Variants in ITCH observed in about 807,000 individuals in gnomAD.
The protein encoded by ITCH is itchy E3 ubiquitin protein ligase, also known as E3 ubiquitin-protein ligase Itchy homolog.
Under a neutral mutation model 126.8 loss-of-function variants are expected in ITCH, and 28 were observed. The observed-to-expected ratio is 0.22, with a 90% CI of 0.16 to 0.30. The LOEUF (loss-of-function observed/expected upper bound fraction) is 0.30. Among genes scored for constraint, ITCH ranks in the 10% least tolerant of loss-of-function variants. The probability of loss-of-function intolerance (pLI) is 1.00; values close to 1 mark genes in which losing one functional copy is unlikely to be tolerated. For synonymous variants in ITCH, 342 were observed against 340.0 expected (o/e 1.01, Z -0.06); for missense variants, 631 against 1,032.4 (o/e 0.61, Z 5.33).
chr20:34,445,241 G>A (rs755030191), intron 10 of ITCH, 46 bp from the exon 11 acceptor site: 6 of 1,578,530 alleles, frequency 3.8e-6, no homozygotes, highest in Non-Finnish European at 4.3e-6. Flanking sequence ...TGTTTCACAA[G>A]TATTTGTTGA....
At chr20:34,430,758 G>A (rs968874012) in intron 7 of ITCH, among the ~76,000 whole-genome samples, 7 of 152,302 alleles carry the variant, frequency 4.6e-5, no homozygotes, top group African/African-American at 1.2e-4. Flanking sequence ...GATTACAGGC[G>A]TGAGTCACCA....
chr20:34,478,284 A>G (rs990291165), intron 17 of ITCH, among the ~76,000 whole-genome samples: 2 of 152,208 alleles, frequency 1.3e-5, no homozygotes, highest in East Asian at 1.9e-4. Flanking sequence ...TTTCCCCACC[A>G]CAGATTACTG....
At chr20:34,410,513 G>A (rs908404638) in intron 4 of ITCH, among the ~76,000 whole-genome samples, 1 of 151,978 alleles carries the variant, frequency 6.6e-6, no homozygotes, top group Non-Finnish European at 1.5e-5. Context: ...ATTGTAGATT[G>A]AGTCAAAATG....
intron 3 of ITCH, among the ~76,000 whole-genome samples, chr20:34,404,488 C>T (rs2038988843): frequency 6.9e-6 from 1 of 145,588 alleles, no homozygotes; most frequent in South Asian, 2.2e-4. Context: ...GGCATGATCT[C>T]AGCTCACTAC....
chr20:34,395,627 A>G (rs1437468135), intron 3 of ITCH, among the ~76,000 whole-genome samples: 1 of 152,146 alleles, frequency 6.6e-6, no homozygotes, highest in Non-Finnish European at 1.5e-5. Flanking sequence ...CCATCCATCC[A>G]CAAACCCAGG....
chr20:34,465,754 T>C (rs1986992631), intron 14 of ITCH, among the ~76,000 whole-genome samples: 1 of 152,182 alleles, frequency 6.6e-6, no homozygotes, highest in Non-Finnish European at 1.5e-5. Flanking sequence ...TTGTGTTGAC[T>C]TTGTATGCTG....
intron 2 of ITCH, among the ~76,000 whole-genome samples, chr20:34,372,789 A>G (rs1163110882): frequency 6.6e-6 from 1 of 152,150 alleles, no homozygotes; most frequent in East Asian, 1.9e-4. Flanking sequence ...CTATTGTGCT[A>G]GGTTCCAAGG....
chr20:34,412,271 T>C (rs1053366272), intron 4 of ITCH, among the ~76,000 whole-genome samples: 3 of 152,248 alleles, frequency 2.0e-5, no homozygotes, highest in Non-Finnish European at 1.5e-5. Flanking sequence ...GTTTTACTTT[T>C]GTTGACAATA....
rs763776734 is a variant in ITCH at position 34,438,664 on chromosome 20, T to C, written c.679+33T>C. The C allele has an allele frequency of 2.5e-6, 4 of 1,611,500 alleles. No individual in the cohort carries two copies. The East Asian group carries it at 8.9e-5, about 36-fold the overall frequency. ...TTCCAGCTCTCAATACTCTTGGAAA[T>C]AATGTCCTGGTTGGCAATTAATCCT... On this transcript the variant is annotated intron_variant, in intron 8 of 24. Coordinates refer to ENST00000374864, the MANE Select transcript of ITCH (RefSeq NM_031483.7).
intron 20 of ITCH, among the ~76,000 whole-genome samples, chr20:34,488,150 A>ATT (rs60684607): frequency 1.4e-4 from 20 of 144,104 alleles, no homozygotes; most frequent in Non-Finnish European, 2.6e-4. Context: ...CCTCAGATTC[A>ATT]TTTTTTTTTT....
At chr20:34,467,400 A>C (rs772274004) in intron 14 of ITCH, among the ~76,000 whole-genome samples, 1 of 151,944 alleles carries the variant, frequency 6.6e-6, no homozygotes, top group Non-Finnish European at 1.5e-5. Flanking sequence ...GTGGTGGTGC[A>C]TGCCTGTAGT....
intron 24 of ITCH, among the ~76,000 whole-genome samples, chr20:34,505,569 T>TC (rs915607191): frequency 1.9e-4 from 29 of 151,874 alleles, no homozygotes; most frequent in Non-Finnish European, 4.1e-4. Flanking sequence ...CTTTTTTTTT[T>TC]TTGGAGACAG....
chr20:34,388,783 CAA>C (rs1200490691), intron 2 of ITCH, among the ~76,000 whole-genome samples: 14 of 152,170 alleles, frequency 9.2e-5, no homozygotes, highest in Non-Finnish European at 1.5e-5. Context: ...ATAGCCTATT[CAA>C]AAGAGTCTCT....
chr20:34,447,144 T>C (rs1331449128), intron 11 of ITCH, among the ~76,000 whole-genome samples: 1 of 151,700 alleles, frequency 6.6e-6, no homozygotes, highest in Non-Finnish European at 1.5e-5. Context: ...ACTGTAATCC[T>C]GACCGATTTA....
intron 2 of ITCH, among the ~76,000 whole-genome samples, chr20:34,383,013 A>G (rs1257261117): frequency 6.6e-6 from 1 of 151,944 alleles, no homozygotes; most frequent in African/African-American, 2.4e-5. Flanking sequence ...AAATGCTGAT[A>G]TTACAGCCAT....
intron 19 of ITCH, 89 bp downstream of exon 19, chr20:34,480,821 A>G: frequency 3.6e-6 from 4 of 1,108,782 alleles, no homozygotes; most frequent in Non-Finnish European, 1.3e-6. Context: ...TAGGCACATA[A>G]TTGGTTTATT....
At chr20:34,425,035 G>A (rs1183968961) in intron 7 of ITCH, among the ~76,000 whole-genome samples, 1 of 152,202 alleles carries the variant, frequency 6.6e-6, no homozygotes, top group Non-Finnish European at 1.5e-5. Flanking sequence ...TTGTTACTGT[G>A]TCTATGTAGA....
In ITCH at chr20:34,457,416, G is replaced by A; in HGVS notation, c.1237G>A (p.Val413Ile). Residue 413 changes from valine to isoleucine, a missense_variant, in exon 13 of 25, where the codon GTA becomes ATA. This residue lies in a region of ITCH where 390 missense variants were observed against 731.6 expected (regional missense o/e 0.53). Coordinates refer to ENST00000374864, the MANE Select transcript of ITCH (RefSeq NM_031483.7). ...WEKRTDSNGR[V>I]YFVNHNTRIT... ...GAAGAGAACAGACAGCAATGGCAGA[G>A]TATATTTCGTCAACCACAACACACG... The A allele has an allele frequency of 6.2e-7, 1 of 1,613,862 alleles. No individual in the cohort carries two copies. Among genetic ancestry groups the A allele is most frequent in the Non-Finnish European group, 8.5e-7 (1 of 1,179,824 alleles).
chr20:34,387,355 A>G lies in ITCH; in HGVS notation c.-21-6436A>G, dbSNP rs192520340. Among the ~76,000 whole-genome samples the G allele has an allele frequency of 4.6e-4, 70 of 151,242 alleles. 1 individual carries two copies. Among genetic ancestry groups the G allele is most frequent in the Admixed American group, 3.6e-3 (54 of 15,186 alleles). ...GCTAAGTATTGACCCAGCTGGGCACAGTGGCTTATCCTTGTAATCCCAGCA... is the reference window on the plus strand; with the variant it reads ...GCTAAGTATTGACCCAGCTGGGCACGGTGGCTTATCCTTGTAATCCCAGCA... On this transcript the variant is annotated intron_variant, in intron 2 of 24. Coordinates refer to ENST00000374864, the MANE Select transcript of ITCH (RefSeq NM_031483.7).
Sources: allele counts gnomAD v4.1 joint callset (sites outside exome capture counted in the v4.1 genomes callset), GRCh38; gene constraint gnomAD v4.1.1; regional missense constraint gnomAD v4.1.1; transcripts MANE v1.5; gene names NCBI Gene and HGNC (gene_info 2026-07-23, HGNC 2026-07-21).